NAA38: variants seen among roughly 807,000 people sequenced by gnomAD.
The protein encoded by NAA38 is LSM domain containing 1.
A neutral mutation model predicts 12.6 loss-of-function variants in NAA38; 15 were observed. That is an observed-to-expected ratio of 1.19 (90% confidence interval 0.79 to 1.83). NAA38 has a LOEUF of 1.83. Among genes scored for constraint, NAA38 ranks in the 40% most tolerant of loss-of-function variants. The pLI is 0.00. For synonymous variants in NAA38, 88 were observed against 69.9 expected (o/e 1.26, Z -1.29); for missense variants, 183 against 171.7 (o/e 1.07, Z -0.37).
rs765447565 is a variant in NAA38, at chr17:7,856,852, A to AAGGATCAG, written c.266-17_266-10dup. 2.2e-5 allele frequency: 36 copies of AAGGATCAG among 1,613,222 alleles called. No homozygotes were observed. The highest frequency in any genetic ancestry group is 1.5e-5 in the Non-Finnish European group (18 of 1,179,808). On this transcript the variant is annotated splice_polypyrimidine_tract_variant and intron_variant, in intron 2 of 2. Coordinates refer to ENST00000575771, the MANE Select transcript of NAA38 (RefSeq NM_001320925.4). Reference sequence around the variant, plus strand: ...CCCGGCAGAGAAGGAATCTGGAAAGAAGGATCAGAGCATCAGGAAAGTAGG... The same window carrying AAGGATCAG: ...CCCGGCAGAGAAGGAATCTGGAAAGAAGGATCAGAGGATCAGAGCATCAGGAAAGTAGG...
intron 2 of NAA38, among the ~76,000 whole-genome samples, chr17:7,867,314 A>G (rs1396030293): frequency 7.6e-6 from 1 of 132,440 alleles, no homozygotes; most frequent in Non-Finnish European, 1.6e-5. Context: ...TCACCCTTTT[A>G]TAGTGTACAG....
intron 2 of NAA38, among the ~76,000 whole-genome samples, chr17:7,873,469 G>A (rs952125076): frequency 2.0e-5 from 3 of 152,152 alleles, no homozygotes; most frequent in African/African-American, 7.2e-5. Context: ...AGACACTGAG[G>A]GCAGTTAATG....
At chr17:7,883,741 A>G (rs780429011) in intron 1 of NAA38, among the ~76,000 whole-genome samples, 1 of 152,074 alleles carries the variant, frequency 6.6e-6, no homozygotes, top group Non-Finnish European at 1.5e-5. Context: ...GTAGAAACAG[A>G]GTTATATATA....
chr17:7,872,271 A>AC (rs1967098267), intron 2 of NAA38, among the ~76,000 whole-genome samples: 1 of 152,020 alleles, frequency 6.6e-6, no homozygotes, highest in Admixed American at 6.6e-5. Flanking sequence ...GGCCTTTTTC[A>AC]CCCCCAAGAT....
At chr17:7,878,509 G>A (rs1597883624) in intron 2 of NAA38, among the ~76,000 whole-genome samples, 3 of 152,262 alleles carry the variant, frequency 2.0e-5, no homozygotes, top group Non-Finnish European at 1.5e-5. Context: ...ATCACCTGAG[G>A]TCAGGAGCTC....
At chr17:7,870,982 T>G (rs1967076413) in intron 2 of NAA38, among the ~76,000 whole-genome samples, 1 of 151,910 alleles carries the variant, frequency 6.6e-6, no homozygotes, top group Non-Finnish European at 1.5e-5. Context: ...CCACCCCAGC[T>G]TCCCAAAGTG....
chr17:7,866,777 T>C (rs1012523754), intron 2 of NAA38, among the ~76,000 whole-genome samples: 1 of 152,246 alleles, frequency 6.6e-6, no homozygotes, highest in African/African-American at 2.4e-5. Context: ...TGTAATTCAC[T>C]GTTTAATGTC....
chr17:7,859,304 G>A, upstream of NAA38: 5 of 1,181,136 alleles, frequency 4.2e-6, no homozygotes, highest in South Asian at 3.9e-5. Flanking sequence ...TCTGCCAAGG[G>A]AGGCACTTTG....
At chr17:7,876,650 G>C (rs185062356) in intron 2 of NAA38, among the ~76,000 whole-genome samples, 14 of 152,192 alleles carry the variant, frequency 9.2e-5, no homozygotes, top group African/African-American at 3.4e-4. Context: ...TCTGAATGCT[G>C]ATTTTACAGC....
intron 2 of NAA38, among the ~76,000 whole-genome samples, chr17:7,881,085 A>G (rs1967263546): frequency 6.6e-6 from 1 of 152,184 alleles, no homozygotes; most frequent in South Asian, 2.1e-4. Context: ...GCAAGCAAAA[A>G]GACTTGTATA....
chr17:7,880,593 C>A (rs1967254942), intron 2 of NAA38, among the ~76,000 whole-genome samples: 1 of 152,192 alleles, frequency 6.6e-6, no homozygotes, highest in Admixed American at 6.5e-5. Context: ...CCTAAAGGAT[C>A]TGGATTCACA....
At chr17:7,859,276 G>C (rs1430974497), upstream of NAA38, 3 of 846,718 alleles carry the variant, frequency 3.5e-6, no homozygotes, top group Non-Finnish European at 5.6e-6. Context: ...CGGGGCCGTA[G>C]AGTACCTGAA....
At chr17:7,879,972 C>CA (rs1371298688) in intron 2 of NAA38, among the ~76,000 whole-genome samples, 1 of 151,138 alleles carries the variant, frequency 6.6e-6, no homozygotes, top group Non-Finnish European at 1.5e-5. Flanking sequence ...AGAAGGCAGG[C>CA]AAAATCACCA....
intron 2 of NAA38, among the ~76,000 whole-genome samples, chr17:7,871,400 T>C (rs1967082994): frequency 6.6e-6 from 1 of 152,222 alleles, no homozygotes; most frequent in Non-Finnish European, 1.5e-5. Flanking sequence ...AAGTCAGCAA[T>C]CATCATCCTA....
chr17:7,861,913 C>T (rs2078885904), upstream of NAA38: 1 of 152,246 alleles, frequency 6.6e-6, no homozygotes, highest in Admixed American at 6.5e-5. Flanking sequence ...CGCAACACCC[C>T]TCTTTGTTCT....
At chr17:7,872,382 TG>T (rs1351314195) in intron 2 of NAA38, among the ~76,000 whole-genome samples, 2 of 152,202 alleles carry the variant, frequency 1.3e-5, no homozygotes, top group African/African-American at 4.8e-5. Flanking sequence ...TGTTTTGTTT[TG>T]TTTTTTGAGA....
At chr17:7,860,726 G>A (rs2078876727), upstream of NAA38, 1 of 152,194 alleles carries the variant, frequency 6.6e-6, no homozygotes, top group African/African-American at 2.4e-5. Flanking sequence ...ATTGTCTCTG[G>A]AAGGGAGTTT....
intron 2 of NAA38, among the ~76,000 whole-genome samples, chr17:7,868,936 A>G (rs1474295238): frequency 6.6e-6 from 1 of 152,226 alleles, no homozygotes; most frequent in African/African-American, 2.4e-5. Flanking sequence ...TTCTTTATAC[A>G]GTGATGGAAA....
upstream of NAA38, chr17:7,858,658 G>A (rs776878416): frequency 6.2e-7 from 1 of 1,609,672 alleles, no homozygotes; most frequent in Admixed American, 1.7e-5. Flanking sequence ...TGCACCCCGC[G>A]GGGCCGCTTT....
Sources: gnomAD v4.1 joint callset for allele counts (sites outside exome capture counted in the v4.1 genomes callset) on GRCh38, gnomAD v4.1.1 for gene constraint, MANE v1.5 for transcripts, NCBI Gene and HGNC (gene_info 2026-07-23, HGNC 2026-07-21) for gene names.